The following UGT1A9 variants were observed in gnomAD, a reference collection of about 807,000 sequenced individuals.
UGT1A9 encodes UDP-glucuronosyltransferase 1A9.
A neutral mutation model predicts 45.0 loss-of-function variants in UGT1A9; 35 were observed. The observed-to-expected ratio is 0.78, with a 90% CI of 0.59 to 1.03. UGT1A9 has a LOEUF of 1.03. Ranked by LOEUF, UGT1A9 falls within the 50% of genes least tolerant of loss-of-function variation. The pLI, the probability that UGT1A9 is intolerant of heterozygous loss-of-function variation, is 0.00. For synonymous variants in UGT1A9, 278 were observed against 250.6 expected (o/e 1.11, Z -1.03); for missense variants, 687 against 666.6 (o/e 1.03, Z -0.34).
At chr2:233,757,560 A>ATATATATATATATATATATATATATATG (rs904896556) in intron 1 of UGT1A9, among the ~76,000 whole-genome samples, 8 of 123,138 alleles carry the variant, frequency 6.5e-5, no homozygotes, top group African/African-American at 2.4e-4. Flanking sequence ...ATATATATAT[A>ATATATATATATATATATATATATATATG]TGTATATATG....
At position 233,743,406 on chromosome 2, in the gene UGT1A9, C is replaced by T. The variant is rs904424565; in HGVS notation, c.856-23628C>T. 16 of 1,310,784 alleles carry T rather than the reference C, an allele frequency of 1.2e-5. No individual in the cohort carries two copies. In the Admixed American group the frequency reaches 2.0e-4, roughly 16 times the overall value. The allele number at this position is 1,310,784 out of a possible 1,614,324, so 81.2% of individuals were successfully genotyped here. A position where few individuals can be genotyped will look rare whatever the true frequency, so the allele number is the denominator to read the frequency against. On this transcript the variant is annotated intron_variant, in intron 1 of 4. Transcript: ENST00000354728. ...AGGACATGCAGAAGGAAGAAAGGCC[C>T]CCACTTCCCAGGGAGCCAAAGGAAC...
In UGT1A9 at chr2:233,752,740, G is replaced by C. The variant is rs146813256; in HGVS notation, c.856-14294G>C. Among the ~76,000 whole-genome samples, 785 of 152,256 alleles carry C rather than the reference G, an allele frequency of 5.2e-3. 4 individuals are homozygous for C. Among genetic ancestry groups the C allele is most frequent in the Non-Finnish European group, 8.2e-3 (561 of 68,032 alleles). On this transcript the variant is annotated intron_variant, in intron 1 of 4. Coordinates refer to ENST00000354728, the MANE Select transcript of UGT1A9 (RefSeq NM_021027.3). ...GGCAACAGCTACAGAGAGAGACCCTGTCTCTAAAACAAACAAACAAACAAA... is the reference window on the plus strand; with the variant it reads ...GGCAACAGCTACAGAGAGAGACCCTCTCTCTAAAACAAACAAACAAACAAA...
At chr2:233,713,299 C>T in intron 1 of UGT1A9, 2 of 1,614,232 alleles carry the variant, frequency 1.2e-6, no homozygotes, top group Non-Finnish European at 1.7e-6. Context: ...TTCTTTGAAA[C>T]AGAACATCTT....
Position 233,672,892 on chromosome 2 carries a change from C to A in UGT1A9, c.855+103C>A. ...TTTGACATTTTCATTTGTTTCATTT[C>A]AAATTTCTTTCCAGTTTAACAAATT... On this transcript the variant is annotated intron_variant, in intron 1 of 4. Transcript: ENST00000354728. 3 of 1,513,494 alleles carry A rather than the reference C, an allele frequency of 2.0e-6. No homozygotes were observed. The South Asian group carries it at 4.1e-5, about 21-fold the overall frequency. The allele number at this position is 1,513,494 out of a possible 1,614,324, so 93.8% of individuals were successfully genotyped here. A position where few individuals can be genotyped will look rare whatever the true frequency, so the allele number is the denominator to read the frequency against.
At chr2:233,734,648 T>A (rs187362448) in intron 1 of UGT1A9, among the ~76,000 whole-genome samples, 1 of 152,330 alleles carries the variant, frequency 6.6e-6, no homozygotes, top group East Asian at 1.9e-4. Context: ...CCTGTGGGGA[T>A]TTAATGCTAT....
At chr2:233,691,081 T>C in intron 1 of UGT1A9, 1 of 986,102 alleles carries the variant, frequency 1.0e-6, no homozygotes, top group East Asian at 1.1e-4. Context: ...GTGAAGTTTG[T>C]AGCATCTCTT....
intron 1 of UGT1A9, among the ~76,000 whole-genome samples, chr2:233,736,673 G>T (rs780660249): frequency 2.0e-4 from 30 of 152,198 alleles, no homozygotes; most frequent in Non-Finnish European, 3.5e-4. Context: ...TTAGGTCTTT[G>T]ATGTTGGTGA....
chr2:233,738,870 C>T (rs1316553020), intron 1 of UGT1A9: 1 of 152,192 alleles, frequency 6.6e-6, no homozygotes, highest in Admixed American at 6.5e-5. Context: ...GAAAATGGCT[C>T]CAGGGCATGT....
intron 1 of UGT1A9, among the ~76,000 whole-genome samples, chr2:233,757,535 AATATATATATATATAT>A (rs67292694): frequency 2.3e-5 from 2 of 88,312 alleles, no homozygotes; most frequent in Non-Finnish European, 4.4e-5. Context: ...GCCTGTAAGG[AATATATATATATATAT>A]ATATATATAT....
intron 1 of UGT1A9, among the ~76,000 whole-genome samples, chr2:233,739,357 C>T (rs1308637370): frequency 6.6e-6 from 1 of 152,104 alleles, no homozygotes; most frequent in African/African-American, 2.4e-5. Context: ...AGGGCAGATC[C>T]AATAGCTTGC....
intron 1 of UGT1A9, among the ~76,000 whole-genome samples, chr2:233,732,755 G>GTTT (rs956485327): frequency 1.7e-5 from 2 of 120,222 alleles, no homozygotes; most frequent in African/African-American, 3.0e-5. Flanking sequence ...CACCAGCTTT[G>GTTT]TTTTTTTTTT....
intron 1 of UGT1A9, chr2:233,748,227 A>C (rs1693897590): frequency 1.4e-6 from 2 of 1,423,074 alleles, no homozygotes; most frequent in African/African-American, 2.9e-5. Context: ...ATAAACTGTT[A>C]AGGGGTCTCT....
At chr2:233,768,945 T>C (rs1365506143) in intron 4 of UGT1A9, among the ~76,000 whole-genome samples, 1 of 152,204 alleles carries the variant, frequency 6.6e-6, no homozygotes, top group Admixed American at 6.5e-5. Context: ...TTCTTTAGTT[T>C]CTATATAATT....
chr2:233,747,363 C>T, intron 1 of UGT1A9: 9 of 1,603,782 alleles, frequency 5.6e-6, no homozygotes, highest in South Asian at 1.1e-5. Context: ...CGTGCGGGAG[C>T]TCCATGCCAG....
chr2:233,719,308 A>C, intron 1 of UGT1A9: 1 of 1,613,974 alleles, frequency 6.2e-7, no homozygotes, highest in Non-Finnish European at 8.5e-7. Context: ...GTGCTGGCTA[A>C]GTACCTGTCG....
intron 1 of UGT1A9, among the ~76,000 whole-genome samples, chr2:233,704,904 C>G (rs2075812559): frequency 6.6e-6 from 1 of 152,134 alleles, no homozygotes; most frequent in African/African-American, 2.4e-5. Context: ...AAGGCTGAGG[C>G]AGGTGGATCA....
chr2:233,767,027 G>A lies in UGT1A9; in HGVS notation c.856-7G>A, dbSNP rs753107729. The A allele has an allele frequency of 3.1e-6, 5 of 1,613,804 alleles. No individual in the cohort carries two copies. Among genetic ancestry groups the A allele is most frequent in the Non-Finnish European group, 4.2e-6 (5 of 1,179,992 alleles). On this transcript the variant is annotated splice_region_variant and splice_polypyrimidine_tract_variant and intron_variant, in intron 1 of 4. Coordinates refer to ENST00000354728, the MANE Select transcript of UGT1A9 (RefSeq NM_021027.3). ...AAATTAACTGAAAATTTTTCTTCTG[G>A]CTCTAGGAATTTGAAGCCTACATTA...
chr2:233,681,973 A>G (rs768736320), intron 1 of UGT1A9: 7 of 1,613,946 alleles, frequency 4.3e-6, no homozygotes, highest in South Asian at 1.1e-5. Context: ...TCCTTCCCCT[A>G]TATGTGTGTC....
At chr2:233,711,602 G>A (rs764299544) in intron 1 of UGT1A9, among the ~76,000 whole-genome samples, 1 of 152,140 alleles carries the variant, frequency 6.6e-6, no homozygotes, top group Non-Finnish European at 1.5e-5. Flanking sequence ...TCCTGCCTGC[G>A]CCCTCTGGTG....
Sources: allele counts gnomAD v4.1 joint callset (sites outside exome capture counted in the v4.1 genomes callset), GRCh38; gene constraint gnomAD v4.1.1; transcripts MANE v1.5; gene names NCBI Gene and HGNC (gene_info 2026-07-23, HGNC 2026-07-21).